Variants in CEP83 observed in about 807,000 individuals in gnomAD.
CEP83 encodes centrosomal protein of 83 kDa.
A neutral mutation model predicts 101.9 loss-of-function variants in CEP83; 70 were observed. The observed-to-expected ratio is 0.69, with a 90% confidence interval of 0.57 to 0.84. The LOEUF is 0.84. Ranked by LOEUF, CEP83 falls within the 40% of genes least tolerant of loss-of-function variation. The pLI is 0.00. For missense variants in CEP83, 715 were observed against 787.2 expected (o/e 0.91, Z 1.10); for synonymous variants, 264 against 267.9 (o/e 0.99, Z 0.14).
At chr12:94,295,894 C>G in the CEP83 span, among the ~76,000 whole-genome samples, 6 of 152,172 alleles carry the variant, frequency 3.9e-5, no homozygotes, top group African/African-American at 1.4e-4. Flanking sequence ...GATGACTTCA[C>G]CCTGCACTCT....
At chr12:94,278,106 C>G in the CEP83 span, 1 of 453,798 alleles carries the variant, frequency 2.2e-6, no homozygotes. Flanking sequence ...TCTGTCTTCT[C>G]CCTTCCTTCT....
the CEP83 span, among the ~76,000 whole-genome samples, chr12:94,268,446 A>G: frequency 6.6e-6 from 1 of 152,136 alleles, no homozygotes; most frequent in Admixed American, 6.6e-5. Context: ...CTGGTGTTTA[A>G]TGAGGCAACA....
chr12:94,346,999 C>T (rs1477876412), intron 11 of CEP83, among the ~76,000 whole-genome samples: 14 of 150,468 alleles, frequency 9.3e-5, no homozygotes, highest in African/African-American at 3.4e-4. Context: ...GATGGCACCA[C>T]GGCACTCCAG....
intron 14 of CEP83, among the ~76,000 whole-genome samples, chr12:94,326,003 T>TA (rs1413091966): frequency 6.6e-6 from 1 of 152,074 alleles, no homozygotes; most frequent in Non-Finnish European, 1.5e-5. Context: ...TGAGGTAACT[T>TA]AGAGTTGAGG....
chr12:94,274,155 T>TAAAAAAAAAAAAAAAA, the CEP83 span, among the ~76,000 whole-genome samples: 9 of 45,370 alleles, frequency 2.0e-4, no homozygotes, highest in African/African-American at 7.1e-4. Context: ...ACCCTGTCTC[T>TAAAAAAAAAAAAAAAA]AAAAAAAAAA....
intron 1 of CEP83, among the ~76,000 whole-genome samples, chr12:94,442,804 T>C (rs2066508008): frequency 6.6e-6 from 1 of 152,134 alleles, no homozygotes; most frequent in South Asian, 2.1e-4. Context: ...CTCCTCTCAT[T>C]TCCTAACCAC....
intron 1 of CEP83, among the ~76,000 whole-genome samples, chr12:94,445,684 T>A (rs972208736): frequency 1.3e-5 from 2 of 152,222 alleles, no homozygotes; most frequent in Non-Finnish European, 2.9e-5. Context: ...AACATTCAAA[T>A]GGACACTTCA....
chr12:94,351,142 C>T (rs1351267156), intron 11 of CEP83, among the ~76,000 whole-genome samples: 1 of 152,090 alleles, frequency 6.6e-6, no homozygotes, highest in Non-Finnish European at 1.5e-5. Context: ...AGCAAAGCAC[C>T]CAGCCAGGAT....
Position 94,379,047 on chromosome 12 carries a change from T to C in CEP83, c.550-5A>G, listed in dbSNP as rs778278498. On this transcript the variant is annotated splice_polypyrimidine_tract_variant and splice_region_variant and intron_variant, in intron 6 of 16. Transcript: ENST00000397809. ...ATCTTCCTCCAGTCTTGCAATCTAATAATAATTTTAAAGAAAGCATACAAG... is the reference window on the plus strand; with the variant it reads ...ATCTTCCTCCAGTCTTGCAATCTAACAATAATTTTAAAGAAAGCATACAAG... The C allele has an allele frequency of 6.3e-7, 1 of 1,586,972 alleles. No homozygotes were observed. Among genetic ancestry groups the C allele is most frequent in the South Asian group, 1.1e-5 (1 of 88,148 alleles).
chr12:94,377,561 G>A (rs1186878778), intron 7 of CEP83, among the ~76,000 whole-genome samples: 1 of 152,122 alleles, frequency 6.6e-6, no homozygotes, highest in Non-Finnish European at 1.5e-5. Context: ...TACTCTCTGG[G>A]CACAATGATA....
chr12:94,324,948 C>CCTGTAT, intron 14 of CEP83, among the ~76,000 whole-genome samples: 1 of 151,510 alleles, frequency 6.6e-6, no homozygotes, highest in Non-Finnish European at 1.5e-5. Flanking sequence ...TCCTACTATA[C>CCTGTAT]CTCTTTCTAT....
the CEP83 span, among the ~76,000 whole-genome samples, chr12:94,293,651 C>T: frequency 6.6e-6 from 1 of 152,338 alleles, no homozygotes; most frequent in Non-Finnish European, 1.5e-5. Context: ...CAAGGTCTCA[C>T]TCTGTCGCCC....
intron 14 of CEP83, among the ~76,000 whole-genome samples, chr12:94,319,172 C>G (rs1971202337): frequency 6.6e-6 from 1 of 152,158 alleles, no homozygotes; most frequent in Non-Finnish European, 1.5e-5. Context: ...TCTGTCTCTT[C>G]TAGCTTTGTT....
downstream of CEP83, among the ~76,000 whole-genome samples, chr12:94,304,729 C>A (rs1968822206): frequency 6.6e-6 from 1 of 152,090 alleles, no homozygotes; most frequent in Non-Finnish European, 1.5e-5. Flanking sequence ...GATAAGCATC[C>A]CTCGTTCCAG....
intron 6 of CEP83, among the ~76,000 whole-genome samples, chr12:94,391,990 T>G (rs952699507): frequency 6.6e-6 from 1 of 152,076 alleles, no homozygotes; most frequent in African/African-American, 2.4e-5. Flanking sequence ...ATTCATAAAG[T>G]AAGTCCTTAG....
At chr12:94,458,490 GC>G (rs2067870277) in intron 1 of CEP83, among the ~76,000 whole-genome samples, 2 of 152,152 alleles carry the variant, frequency 1.3e-5, no homozygotes, top group Admixed American at 1.3e-4. Context: ...TGTAATCCCA[GC>G]ACTTTGGGAG....
chr12:94,338,487 A>T (rs2059543921), intron 11 of CEP83, among the ~76,000 whole-genome samples: 1 of 152,148 alleles, frequency 6.6e-6, no homozygotes, highest in Non-Finnish European at 1.5e-5. Flanking sequence ...GTTGCAGGAG[A>T]GAGGAAGGAA....
At chr12:94,297,417 G>T in the CEP83 span, 22 of 1,609,592 alleles carry the variant, frequency 1.4e-5, no homozygotes, top group Middle Eastern at 1.6e-4. Context: ...AGCTGCTGTC[G>T]ACCAAGGTAC....
At chr12:94,270,315 T>C in the CEP83 span, among the ~76,000 whole-genome samples, 1 of 152,244 alleles carries the variant, frequency 6.6e-6, no homozygotes, top group Non-Finnish European at 1.5e-5. Flanking sequence ...TTATTGTCTA[T>C]AGCTGCTTTC....
Sources: allele counts gnomAD v4.1 joint callset (sites outside exome capture counted in the v4.1 genomes callset), GRCh38; gene constraint gnomAD v4.1.1; transcripts MANE v1.5; gene names NCBI Gene and HGNC (gene_info 2026-07-23, HGNC 2026-07-21).